The following GSG1L variants were observed in gnomAD, a reference collection of about 807,000 sequenced individuals.
The protein encoded by GSG1L is germ cell-specific gene 1-like protein.
A neutral mutation model predicts 42.1 loss-of-function variants in GSG1L; 24 were observed. The observed-to-expected ratio is 0.57, with a 90% CI of 0.41 to 0.80. The LOEUF (loss-of-function observed/expected upper bound fraction) is 0.80, where lower values mean the gene tolerates loss of function less well. Among genes scored for constraint, GSG1L ranks in the 30% least tolerant of loss-of-function variants. GSG1L has a pLI of 0.00. For missense variants in GSG1L, 445 were observed against 472.2 expected (o/e 0.94, Z 0.53); for synonymous variants, 215 against 203.5 (o/e 1.06, Z -0.48).
chr16:27,793,469 A>G lies in GSG1L; in HGVS notation c.899-2002T>C, dbSNP rs951320308. ...TACTTTGGAAGTGTTGGCTGCCAAG[A>G]TAGAGGTGTTTGGGTTTTGTTTTGT... On this transcript the variant is annotated intron_variant, in intron 6 of 6. Transcript: ENST00000447459. Among the ~76,000 whole-genome samples the G allele has an allele frequency of 6.3e-5, 9 of 143,606 alleles. No homozygotes were observed. The Admixed American group carries it at 6.6e-4, about 11-fold the overall frequency. 94.2% of individuals were successfully genotyped at this position (143,606 alleles called of 152,430 possible). A position where few individuals can be genotyped will look rare whatever the true frequency, so the allele number is the denominator to read the frequency against.
chr16:28,023,193 T>C (rs2085864288), intron 1 of GSG1L, among the ~76,000 whole-genome samples: 2 of 152,216 alleles, frequency 1.3e-5, no homozygotes, highest in Non-Finnish European at 1.5e-5. Context: ...TGTTCTGTTT[T>C]TGTTTTATAC....
intron 2 of GSG1L, among the ~76,000 whole-genome samples, chr16:27,947,599 A>G (rs11647264): frequency 0.18 from 15,251 of 85,898 alleles, 1,259 homozygotes; most frequent in African/African-American, 0.3. Context: ...GAAAGAAAGA[A>G]AAAGAAAGAA....
chr16:28,038,697 A>G (rs2086069905), intron 1 of GSG1L, among the ~76,000 whole-genome samples: 1 of 152,218 alleles, frequency 6.6e-6, no homozygotes, highest in Non-Finnish European at 1.5e-5. Context: ...AGCAGACTGC[A>G]GGGCCTTCCA....
chr16:27,807,405 G>A, intron 6 of GSG1L, 82 bp downstream of exon 6: 2 of 1,160,152 alleles, frequency 1.7e-6, no homozygotes, highest in Non-Finnish European at 1.3e-6. Context: ...GTGGGGGCTG[G>A]CCTGACTCTT....
At chr16:27,892,927 C>A (rs2084145946) in intron 2 of GSG1L, among the ~76,000 whole-genome samples, 1 of 152,100 alleles carries the variant, frequency 6.6e-6, no homozygotes, top group Non-Finnish European at 1.5e-5. Context: ...GAATGCCTGG[C>A]CTGTGATGAA....
chr16:27,794,192 AT>A (rs960769860), intron 6 of GSG1L, among the ~76,000 whole-genome samples: 1 of 151,634 alleles, frequency 6.6e-6, no homozygotes, highest in African/African-American at 2.4e-5. Flanking sequence ...TTATTTATTT[AT>A]TTTTTGTAGA....
chr16:27,921,389 C>T (rs1044566497), intron 2 of GSG1L, among the ~76,000 whole-genome samples: 1 of 152,122 alleles, frequency 6.6e-6, no homozygotes, highest in Admixed American at 6.5e-5. Context: ...TGGTTGGTGC[C>T]GGTGTGTTGT....
chr16:27,901,978 AC>A (rs1350202964), intron 2 of GSG1L, among the ~76,000 whole-genome samples: 2 of 151,962 alleles, frequency 1.3e-5, no homozygotes, highest in African/African-American at 4.8e-5. Context: ...AGCTCAGATG[AC>A]CCCAACCCCT....
chr16:27,958,098 C>T (rs527829308), intron 2 of GSG1L, among the ~76,000 whole-genome samples: 1 of 152,128 alleles, frequency 6.6e-6, no homozygotes, highest in South Asian at 2.1e-4. Context: ...AGAGGGGACA[C>T]ACATTCAAAC....
intron 1 of GSG1L, among the ~76,000 whole-genome samples, chr16:28,000,092 C>T (rs368530698): frequency 1.3e-5 from 2 of 152,174 alleles, no homozygotes; most frequent in African/African-American, 4.8e-5. Flanking sequence ...GTGTAAGAGA[C>T]GAGTTCAACC....
At chr16:27,812,977 A>G (rs2083050455) in intron 5 of GSG1L, among the ~76,000 whole-genome samples, 1 of 151,876 alleles carries the variant, frequency 6.6e-6, no homozygotes, top group Non-Finnish European at 1.5e-5. Context: ...ACGGGGTTTC[A>G]CCATGCTGCC....
rs2086259829 is a variant in GSG1L, at chr16:28,054,628, C to CA, written c.349+8447dup. Among the ~76,000 whole-genome samples the CA allele has an allele frequency of 2.0e-5, 3 of 150,304 alleles. No individual in the cohort carries two copies. In the East Asian group the frequency reaches 6.1e-4, roughly 30 times the overall value. ...TCGGCAACACATTGAGACTCCATCTCAAAAAATAATAATAATAAAATAAAA... is the reference window on the plus strand; with the variant it reads ...TCGGCAACACATTGAGACTCCATCTCAAAAAAATAATAATAATAAAATAAAA... On this transcript the variant is annotated intron_variant, in intron 1 of 6. Transcript: ENST00000447459.
intron 1 of GSG1L, among the ~76,000 whole-genome samples, chr16:28,051,448 T>C (rs1398580365): frequency 1.3e-5 from 2 of 150,554 alleles, no homozygotes; most frequent in Non-Finnish European, 2.9e-5. Context: ...GGGTTGCACA[T>C]CACTGAGGCA....
chr16:27,924,495 T>G (rs1410466133), intron 2 of GSG1L, among the ~76,000 whole-genome samples: 3 of 152,242 alleles, frequency 2.0e-5, no homozygotes, highest in Non-Finnish European at 4.4e-5. Context: ...GAGTTTTTTT[T>G]GGCATAAATA....
In GSG1L at chr16:28,058,620, C is replaced by CAAA. The variant is rs66952573; in HGVS notation, c.349+4453_349+4455dup. The stretch of plus-strand genomic sequence containing the variant: ...TCCAGCCTGAGCCACAGAACAAGAC[C>CAAA]AAAAAAAAAAAAAAAACAAACAAAC... On this transcript the variant is annotated intron_variant, in intron 1 of 6. Transcript: ENST00000447459. 3.6e-4 allele frequency among the ~76,000 whole-genome samples: 30 copies of CAAA among 82,558 alleles called. 1 individual carries two copies. Among genetic ancestry groups the CAAA allele is most frequent in the African/African-American group, 1.1e-3 (25 of 23,652 alleles). 54.2% of individuals were successfully genotyped at this position (82,558 alleles called of 152,430 possible).
At chr16:27,919,011 G>A (rs1266805829) in intron 2 of GSG1L, among the ~76,000 whole-genome samples, 2 of 152,114 alleles carry the variant, frequency 1.3e-5, no homozygotes, top group Non-Finnish European at 2.9e-5. Context: ...CAGCTGTCCA[G>A]GCAGGCACTA....
chr16:27,899,527 G>A (rs937867666), intron 2 of GSG1L, among the ~76,000 whole-genome samples: 1 of 152,138 alleles, frequency 6.6e-6, no homozygotes, highest in East Asian at 1.9e-4. Context: ...GGCCAGCCTG[G>A]GCAACACAGT....
At chr16:28,053,409 C>T (rs991348607) in intron 1 of GSG1L, among the ~76,000 whole-genome samples, 1 of 152,152 alleles carries the variant, frequency 6.6e-6, no homozygotes, top group Admixed American at 6.5e-5. Context: ...AGTGATGAAA[C>T]GAAGCCCCCA....
intron 2 of GSG1L, among the ~76,000 whole-genome samples, chr16:27,952,149 C>G (rs2084957249): frequency 1.3e-5 from 2 of 152,208 alleles, no homozygotes; most frequent in South Asian, 4.1e-4. Context: ...AATGGGCCAC[C>G]CACTATCTAT....
Sources: gnomAD v4.1 joint callset for allele counts (sites outside exome capture counted in the v4.1 genomes callset) on GRCh38, gnomAD v4.1.1 for gene constraint, MANE v1.5 for transcripts, NCBI Gene and HGNC (gene_info 2026-07-23, HGNC 2026-07-21) for gene names.